The following ITSN1 variants were observed in gnomAD, a reference collection of about 807,000 sequenced individuals.
ITSN1 encodes intersectin-1.
In ITSN1, 58 loss-of-function variants were observed where a neutral mutation model predicts 239.8. The ratio of observed to expected loss-of-function variants is 0.24; its 90% CI spans 0.20 to 0.30. The LOEUF is 0.30. Among genes scored for constraint, ITSN1 ranks in the 10% least tolerant of loss-of-function variants. The pLI is 1.00. For missense variants in ITSN1, 1,558 were observed against 2,103.3 expected, an observed-to-expected ratio of 0.74 and a Z score of 5.07; for synonymous variants, 780 against 770.8, an observed-to-expected ratio of 1.01 and a Z score of -0.20.
At chr21:33,816,801 C>T (rs1383542469) in intron 22 of ITSN1, among the ~76,000 whole-genome samples, 1 of 151,974 alleles carries the variant, frequency 6.6e-6, no homozygotes, top group Non-Finnish European at 1.5e-5. Context: ...AATGGAAGGT[C>T]GAGAATATAC....
In ITSN1 at chr21:33,895,495, G is replaced by GTGTGTA. The variant is rs1986673785; in HGVS notation, c.*7200_*7201insATGTGT. ...TGTGCATGGGTTTGCGTGCATGCATGTGTGTGCGTGCGCGTGTTTGTGTGT... is the reference window on the plus strand; with the variant it reads ...TGTGCATGGGTTTGCGTGCATGCATGTGTGTATGTGTGCGTGCGCGTGTTTGTGTGT... On this transcript the variant is annotated 3_prime_UTR_variant, in exon 40 of 40. Transcript: ENST00000381318. The GTGTGTA allele has an allele frequency of 3.4e-5, 5 of 145,550 alleles. No individual in the cohort carries two copies. Among genetic ancestry groups the GTGTGTA allele is most frequent in the African/African-American group, 1.0e-4 (4 of 39,480 alleles). The allele number at this position is 145,550 out of a possible 1,614,324, so 9.0% of individuals were successfully genotyped here.
chr21:33,717,717 A>G (rs769489707), intron 1 of ITSN1, among the ~76,000 whole-genome samples: 13 of 143,940 alleles, frequency 9.0e-5, no homozygotes, highest in South Asian at 2.4e-4. Flanking sequence ...CACCACGCCC[A>G]GCTAATTTTT....
chr21:33,806,472 G>A (rs999720077), intron 20 of ITSN1, among the ~76,000 whole-genome samples: 5 of 152,236 alleles, frequency 3.3e-5, no homozygotes, highest in African/African-American at 1.2e-4. Context: ...ACCTAATGAA[G>A]ATGGCAGCCA....
At chr21:33,683,340 A>C (rs1054442205) in intron 1 of ITSN1, among the ~76,000 whole-genome samples, 26 of 152,196 alleles carry the variant, frequency 1.7e-4, no homozygotes, top group Non-Finnish European at 3.1e-4. Context: ...AGATAAGCTT[A>C]ATGTGAGTCA....
At chr21:33,667,777 A>G (rs774630092) in intron 1 of ITSN1, among the ~76,000 whole-genome samples, 12 of 152,190 alleles carry the variant, frequency 7.9e-5, no homozygotes, top group Non-Finnish European at 1.5e-4. Flanking sequence ...TATGCGATCT[A>G]TGTAATACCG....
chr21:33,833,590 G>A (rs771140985), intron 27 of ITSN1, among the ~76,000 whole-genome samples: 2 of 152,198 alleles, frequency 1.3e-5, no homozygotes, highest in African/African-American at 2.4e-5. Flanking sequence ...AGTGAGGGCC[G>A]GGCGCGGTGG....
chr21:33,802,419 T>G lies in ITSN1; in HGVS notation c.2305-11T>G. 6.2e-7 allele frequency: 1 copy of G among 1,613,388 alleles called. No individual in the cohort carries two copies. Among genetic ancestry groups the G allele is most frequent in the South Asian group, 1.1e-5 (1 of 90,920 alleles). The stretch of plus-strand genomic sequence containing the variant: ...TTGCCTTGCTTTCAAACCTTTGCTT[T>G]CCTGGTGGAGGTTAAAGGGGAATGG... On this transcript the variant is annotated splice_polypyrimidine_tract_variant and intron_variant, in intron 19 of 39. Transcript: ENST00000381318.
intron 1 of ITSN1, among the ~76,000 whole-genome samples, chr21:33,644,463 C>G (rs1290891103): frequency 6.6e-6 from 1 of 152,058 alleles, no homozygotes; most frequent in African/African-American, 2.4e-5. Context: ...AGGAATGCTT[C>G]TGTTGAAATT....
intron 25 of ITSN1, among the ~76,000 whole-genome samples, chr21:33,825,402 G>A (rs958726819): frequency 1.2e-4 from 18 of 152,208 alleles, no homozygotes; most frequent in African/African-American, 3.4e-4. Context: ...CAAAATATCC[G>A]ACCCAACCTA....
At chr21:33,817,842 G>T (rs1042256470) in intron 22 of ITSN1, 3 of 340,126 alleles carry the variant, frequency 8.8e-6, no homozygotes, top group Non-Finnish European at 1.6e-5. Flanking sequence ...GCCAGTTAAT[G>T]ATCTCATGAT....
At chr21:33,715,880 T>A (rs2065106005) in intron 1 of ITSN1, among the ~76,000 whole-genome samples, 1 of 152,098 alleles carries the variant, frequency 6.6e-6, no homozygotes, top group Non-Finnish European at 1.5e-5. Flanking sequence ...ATTGCACCAC[T>A]GCACTCCAGC....
chr21:33,689,987 TA>T (rs926602859), intron 1 of ITSN1, among the ~76,000 whole-genome samples: 60 of 137,366 alleles, frequency 4.4e-4, no homozygotes, highest in Middle Eastern at 4.1e-3. Flanking sequence ...AAAAAATAAT[TA>T]AAAAAAAAAA....
Position 33,835,046 on chromosome 21 carries a change from G to A in ITSN1, c.3469+622G>A, listed in dbSNP as rs184545833. 5.3e-5 allele frequency among the ~76,000 whole-genome samples: 8 copies of A among 152,194 alleles called. No individual in the cohort carries two copies. In the South Asian group the frequency reaches 1.7e-3, roughly 32 times the overall value. On this transcript the variant is annotated intron_variant, in intron 28 of 39. Transcript: ENST00000381318. Reference sequence around the variant, plus strand: ...CAAGATCTGAGAGAGGTGAGGTCAGGGGGAGCAGATTTCTGCTTTAGGTCT... The same window carrying A: ...CAAGATCTGAGAGAGGTGAGGTCAGAGGGAGCAGATTTCTGCTTTAGGTCT...
chr21:33,675,407 A>C (rs913691842), intron 1 of ITSN1, among the ~76,000 whole-genome samples: 3 of 152,050 alleles, frequency 2.0e-5, no homozygotes, highest in African/African-American at 7.2e-5. Flanking sequence ...ATTAAAAAAA[A>C]ATACAAAAAA....
intron 29 of ITSN1, chr21:33,838,059 G>A (rs2074687988): frequency 1.0e-6 from 1 of 985,804 alleles, no homozygotes; most frequent in Non-Finnish European, 1.2e-6. Flanking sequence ...TAACTAGACT[G>A]TGGAATTTCT....
chr21:33,659,986 G>T, intron 1 of ITSN1, among the ~76,000 whole-genome samples: 1 of 152,058 alleles, frequency 6.6e-6, no homozygotes, highest in East Asian at 1.9e-4. Flanking sequence ...TGGGATTAGA[G>T]GTGTGAGCCA....
rs137978418 is a variant in ITSN1 at position 33,744,601 on chromosome 21, A to G, written c.347-5542A>G. ...CAAAAGAAACCAGAGTTTCTTGGAGAAATGGCTGAATCCAGGTCTAGATAT... is the reference window on the plus strand; with the variant it reads ...CAAAAGAAACCAGAGTTTCTTGGAGGAATGGCTGAATCCAGGTCTAGATAT... On this transcript the variant is annotated intron_variant, in intron 5 of 39. Transcript: ENST00000381318. Among the ~76,000 whole-genome samples, 275 of 152,226 alleles carry G rather than the reference A, an allele frequency of 1.8e-3. 1 individual carries two copies. Among genetic ancestry groups the G allele is most frequent in the African/African-American group, 6.5e-3 (269 of 41,524 alleles).
At chr21:33,829,358 G>A (rs2074158319) in intron 26 of ITSN1, 1 of 435,920 alleles carries the variant, frequency 2.3e-6, no homozygotes. Context: ...TTCGTGGAGG[G>A]AAGTTGGTAA....
chr21:33,811,843 T>G (rs2040385538), intron 21 of ITSN1, among the ~76,000 whole-genome samples: 1 of 152,242 alleles, frequency 6.6e-6, no homozygotes, highest in South Asian at 2.1e-4. Context: ...TATAGGGCCA[T>G]GACCTAGATG....
Sources: allele counts gnomAD v4.1 joint callset (sites outside exome capture counted in the v4.1 genomes callset), GRCh38; gene constraint gnomAD v4.1.1; transcripts MANE v1.5; gene names NCBI Gene and HGNC (gene_info 2026-07-23, HGNC 2026-07-21).